Variants in SND1 observed in about 807,000 individuals in gnomAD.
SND1 encodes the protein staphylococcal nuclease domain-containing protein 1.
A neutral mutation model predicts 121.7 loss-of-function variants in SND1; 38 were observed. The observed-to-expected ratio is 0.31, with a 90% confidence interval of 0.24 to 0.41. The LOEUF is 0.41. Ranked by LOEUF, SND1 falls within the 10% of genes least tolerant of loss-of-function variation. SND1 has a pLI of 1.00. For synonymous variants in SND1, 401 were observed against 447.4 expected, an observed-to-expected ratio of 0.90 and a Z score of 1.31; for missense variants, 868 against 1,184.6, an observed-to-expected ratio of 0.73 and a Z score of 3.92.
intron 10 of SND1, among the ~76,000 whole-genome samples, chr7:127,805,462 G>C (rs1181108160): frequency 6.6e-6 from 1 of 152,072 alleles, no homozygotes; most frequent in Non-Finnish European, 1.5e-5. Context: ...TTTAACAGGA[G>C]GTAGAAAACA....
intron 14 of SND1, among the ~76,000 whole-genome samples, chr7:127,920,667 C>G (rs1563058476): frequency 6.6e-6 from 1 of 152,128 alleles, no homozygotes; most frequent in Non-Finnish European, 1.5e-5. Flanking sequence ...CAGCCCTCAT[C>G]ACCTGGCACC....
intron 16 of SND1, among the ~76,000 whole-genome samples, chr7:127,993,205 T>C (rs1802559179): frequency 6.6e-6 from 1 of 152,242 alleles, no homozygotes; most frequent in African/African-American, 2.4e-5. Context: ...ATTTCCTTTA[T>C]ATTATATATG....
intron 12 of SND1, among the ~76,000 whole-genome samples, chr7:127,883,611 T>C (rs1027395049): frequency 2.6e-5 from 4 of 152,164 alleles, no homozygotes; most frequent in South Asian, 4.1e-4. Flanking sequence ...TCCTGCATAC[T>C]CAGAAAACAT....
chr7:127,729,993 C>T (rs1164729973), intron 10 of SND1, among the ~76,000 whole-genome samples: 1 of 152,160 alleles, frequency 6.6e-6, no homozygotes, highest in African/African-American at 2.4e-5. Flanking sequence ...GACGAAGTCT[C>T]GCTCTTGTTG....
chr7:128,031,228 T>G (rs1265464254), intron 16 of SND1, among the ~76,000 whole-genome samples: 1 of 152,050 alleles, frequency 6.6e-6, no homozygotes, highest in Non-Finnish European at 1.5e-5. Context: ...GCTTCCCGGC[T>G]TTGTCCTTGG....
At chr7:127,696,152 A>T (rs1302005240) in intron 3 of SND1, among the ~76,000 whole-genome samples, 5 of 152,188 alleles carry the variant, frequency 3.3e-5, no homozygotes, top group African/African-American at 1.2e-4. Context: ...GATTTGGATA[A>T]TCTATTTGAG....
chr7:127,652,468 G>T lies in SND1; in HGVS notation c.78+17G>T. 6.4e-7 allele frequency: 1 copy of T among 1,555,670 alleles called. No individual in the cohort carries two copies. The highest frequency in any genetic ancestry group is 1.2e-5 in the South Asian group (1 of 84,556). ...ATCAAGATGGTGAGAACGGGCCCCG[G>T]ACACCGACCCCTCTGCCTGCCTTCG... On this transcript the variant is annotated intron_variant, in intron 1 of 23. Transcript: ENST00000354725.
intron 15 of SND1, among the ~76,000 whole-genome samples, chr7:127,976,067 A>G (rs762813825): frequency 2.7e-4 from 41 of 151,756 alleles, no homozygotes; most frequent in Middle Eastern, 6.8e-3. Flanking sequence ...TCCCCACCCT[A>G]TTTCCTTGGG....
At chr7:127,654,663 T>A (rs887310303) in intron 1 of SND1, among the ~76,000 whole-genome samples, 32 of 152,200 alleles carry the variant, frequency 2.1e-4, no homozygotes, top group Non-Finnish European at 4.1e-4. Flanking sequence ...GAGTATGGTG[T>A]GGAAGATGAT....
At chr7:128,033,230 C>T (rs541661342) in intron 16 of SND1, among the ~76,000 whole-genome samples, 11 of 152,296 alleles carry the variant, frequency 7.2e-5, no homozygotes, top group African/African-American at 1.7e-4. Context: ...AGGCATTTGA[C>T]AGACTAGTGT....
intron 10 of SND1, among the ~76,000 whole-genome samples, chr7:127,737,945 C>T (rs892942733): frequency 6.6e-6 from 1 of 152,184 alleles, no homozygotes; most frequent in African/African-American, 2.4e-5. Context: ...TGTTCCATGT[C>T]ACTCAACAAT....
intron 10 of SND1, among the ~76,000 whole-genome samples, chr7:127,727,934 C>T (rs1796611661): frequency 6.6e-6 from 1 of 152,074 alleles, no homozygotes; most frequent in Admixed American, 6.5e-5. Flanking sequence ...TATCTGGGTA[C>T]CAACACTTAA....
intron 12 of SND1, among the ~76,000 whole-genome samples, chr7:127,863,036 A>G (rs1478812437): frequency 2.0e-5 from 3 of 152,210 alleles, no homozygotes; most frequent in Non-Finnish European, 2.9e-5. Context: ...CGATAGGACT[A>G]TCTAGTCCAC....
At chr7:127,724,975 C>T (rs1010870573) in intron 10 of SND1, among the ~76,000 whole-genome samples, 1 of 151,960 alleles carries the variant, frequency 6.6e-6, no homozygotes, top group Non-Finnish European at 1.5e-5. Flanking sequence ...CACGCCAACC[C>T]CTGCCCCTTT....
chr7:127,743,115 A>G (rs960502821), intron 10 of SND1, among the ~76,000 whole-genome samples: 4 of 151,904 alleles, frequency 2.6e-5, no homozygotes, highest in Non-Finnish European at 5.9e-5. Flanking sequence ...CCATTGTTGT[A>G]GAAGCCAATC....
intron 16 of SND1, among the ~76,000 whole-genome samples, chr7:128,047,806 C>T (rs1792974930): frequency 6.6e-6 from 1 of 151,888 alleles, no homozygotes; most frequent in Admixed American, 6.6e-5. Flanking sequence ...GACCCACCTA[C>T]AAAGGAAATG....
At chr7:127,789,551 A>T (rs970501734) in intron 10 of SND1, among the ~76,000 whole-genome samples, 9 of 152,222 alleles carry the variant, frequency 5.9e-5, no homozygotes, top group Admixed American at 5.2e-4. Flanking sequence ...TAAGCTAAAC[A>T]TTCATGGTCT....
At chr7:127,850,779 A>C (rs922758129) in intron 12 of SND1, among the ~76,000 whole-genome samples, 4 of 152,200 alleles carry the variant, frequency 2.6e-5, no homozygotes, top group Admixed American at 6.5e-5. Context: ...GAGTAGTAGA[A>C]GTGTGCCTAT....
At chr7:127,982,268 T>C (rs1802283074) in intron 15 of SND1, among the ~76,000 whole-genome samples, 1 of 152,210 alleles carries the variant, frequency 6.6e-6, no homozygotes. Context: ...AATTCCAAAT[T>C]AACTTCAGTG....
Sources: gnomAD v4.1 joint callset for allele counts (sites outside exome capture counted in the v4.1 genomes callset) on GRCh38, gnomAD v4.1.1 for gene constraint, MANE v1.5 for transcripts, NCBI Gene and HGNC (gene_info 2026-07-23, HGNC 2026-07-21) for gene names.